The following SP8 variants were observed in gnomAD, a reference collection of about 807,000 sequenced individuals.
SP8 encodes the protein transcription factor Sp8.
SP8 carries 7 observed loss-of-function variants against 15.3 expected under a neutral mutation model. The observed-to-expected ratio is 0.46, with a 90% CI of 0.26 to 0.86. The LOEUF (loss-of-function observed/expected upper bound fraction) is 0.86. Ranked by LOEUF, SP8 falls within the 40% of genes least tolerant of loss-of-function variation. The pLI, the probability that SP8 is intolerant of heterozygous loss-of-function variation, is 0.16. For synonymous variants in SP8, 415 were observed against 356.3 expected (o/e 1.16, Z -1.86); for missense variants, 731 against 736.4 (o/e 0.99, Z 0.09).
chr7:20,785,149 G>A lies in SP8; in HGVS notation c.668C>T (p.Ala223Val). Residue 223 changes from alanine to valine, a missense_variant, in exon 2 of 2, where the codon GCC becomes GTC. Ala to Val is a moderately conservative substitution (Grantham distance 64). This residue lies in a region of SP8 where 586 missense variants were observed against 524.9 expected (regional missense o/e 1.12). Coordinates refer to ENST00000418710, the MANE Select transcript of SP8 (RefSeq NM_182700.6). This position sits in a 1 kb window ranked among gnomAD's most constrained non-coding sequence, Gnocchi z 7.2. ...CACGTCCCACCAGCTGGAGGCGCCG[G>A]CCGAGCCCACCTCGCCCGCAGCACC... ...GLGAAGEVGS[A>V]GASSWWDVGA... 6.3e-7 allele frequency: 1 copy of A among 1,592,860 alleles called. No individual in the cohort carries two copies. Among genetic ancestry groups the A allele is most frequent in the Non-Finnish European group, 8.5e-7 (1 of 1,171,924 alleles).
At position 20,785,298 on chromosome 7, in the gene SP8, G is replaced by C. The variant is rs1315681556; in HGVS notation, c.519C>G (p.Gly173=). 12 of 1,544,728 alleles carry C rather than the reference G, an allele frequency of 7.8e-6. No homozygotes were observed. The highest frequency in any genetic ancestry group is 2.0e-5 in the Admixed American group (1 of 50,812). Residue 173 remains glycine (G), a synonymous_variant, in exon 2 of 2, where the codon GGC becomes GGG. Transcript: ENST00000418710. The surrounding 1 kb of genome is among the most constrained non-coding windows in gnomAD (Gnocchi z 7.2). The part of the protein sequence containing the change: ...GGGSSAHSQD[G]SHQPVFISKV... ...TGGAGATGAACACCGGCTGGTGGGAGCCGTCCTGCGAGTGCGCGGAGGAGC... is the reference window on the plus strand; with the variant it reads ...TGGAGATGAACACCGGCTGGTGGGACCCGTCCTGCGAGTGCGCGGAGGAGC...
At position 20,785,443 on chromosome 7, in the gene SP8, G is replaced by A. The variant is rs1345974227; in HGVS notation, c.374C>T (p.Ala125Val). The stretch of plus-strand genomic sequence containing the variant: ...GGCGGCTGCGGCGGCGGCGGCGGCG[G>A]CTGCGGCGCTGCTGGAGGTGAGGGA... ...AFSLTSSSAA[A>V]AAAAAAAAAS... Residue 125 changes from alanine to valine, a missense_variant, in exon 2 of 2, where the codon GCC becomes GTC. By Grantham distance (64) the Ala-to-Val change is moderately conservative. This residue lies in a region of SP8 where 586 missense variants were observed against 524.9 expected (regional missense o/e 1.12). Transcript: ENST00000418710. This position sits in a 1 kb window ranked among gnomAD's most constrained non-coding sequence, Gnocchi z 7.2. The A allele has an allele frequency of 1.5e-6, 2 of 1,315,548 alleles. No individual in the cohort carries two copies. The highest frequency in any genetic ancestry group is 9.7e-7 in the Non-Finnish European group (1 of 1,026,250). The allele number at this position is 1,315,548 out of a possible 1,614,324, so 81.5% of individuals were successfully genotyped here.
chr7:20,784,757 TG>T lies in SP8; in HGVS notation c.1059del (p.Asn354ThrfsTer100). ...CCCAGCCGCTCTGCCTCCTGGCAGT[TG>T]GGGCAGTCGCAGGTGGCGCGGCCGG... ...RYSGRATCDCPNCQEAERLGP... is the reference protein window; with the variant it reads ...RYSGRATCDCXNCQEAERLGP... On this transcript the variant is annotated frameshift_variant, in exon 2 of 2. Transcript: ENST00000418710. LOFTEE classifies it high-confidence loss of function. 1 of 1,577,370 alleles carries T rather than the reference TG, an allele frequency of 6.3e-7. No individual in the cohort carries two copies. The highest frequency in any genetic ancestry group is 8.6e-7 in the Non-Finnish European group (1 of 1,167,990).
In SP8 at chr7:20,784,886, C is replaced by T; in HGVS notation, c.931G>A (p.Asp311Asn). ...FKPVLPGSYP[D>N]SAPSPLAGAG... ...CCGGCCAGCGGCGACGGGGCCGAGT[C>T]CGGGTAGGAGCCGGGTAGCACTGGC... Residue 311 changes from aspartate to asparagine, a missense_variant, in exon 2 of 2, where the codon GAC becomes AAC. This residue lies in a region of SP8 where 586 missense variants were observed against 524.9 expected (regional missense o/e 1.12). Transcript: ENST00000418710. The T allele has an allele frequency of 2.6e-6, 4 of 1,530,334 alleles. No individual in the cohort carries two copies. Among genetic ancestry groups the T allele is most frequent in the Non-Finnish European group, 3.5e-6 (4 of 1,144,834 alleles). The allele number at this position is 1,530,334 out of a possible 1,614,324, so 94.8% of individuals were successfully genotyped here.
chr7:20,785,459 A>T lies in SP8; in HGVS notation c.358T>A (p.Ser120Thr). ...SPGSSAFSLT[S>T]SSAAAAAAAA... ...GCGGCGGCGGCTGCGGCGCTGCTGGAGGTGAGGGAGAAGGCGCTGGAGCCA... is the reference window on the plus strand; with the variant it reads ...GCGGCGGCGGCTGCGGCGCTGCTGGTGGTGAGGGAGAAGGCGCTGGAGCCA... The change falls in exon 2 of 2, where the codon TCC (serine) becomes ACC (threonine). Residue 120 changes from serine to threonine, a missense_variant. Ser to Thr is a moderately conservative substitution (Grantham distance 58). Coordinates refer to ENST00000418710, the MANE Select transcript of SP8 (RefSeq NM_182700.6). The surrounding 1 kb of genome is among the most constrained non-coding windows in gnomAD (Gnocchi z 7.2). 8.6e-7 allele frequency: 1 copy of T among 1,162,874 alleles called. No individual in the cohort carries two copies. Among genetic ancestry groups the T allele is most frequent in the South Asian group, 1.9e-5 (1 of 51,884 alleles). 72.0% of individuals were successfully genotyped at this position (1,162,874 alleles called of 1,614,324 possible).
Position 20,784,913 on chromosome 7 carries a change from T to C in SP8, c.904A>G (p.Lys302Glu). ...PAGQHLMDGFKPVLPGSYPDS... is the reference protein window; with the variant it reads ...PAGQHLMDGFEPVLPGSYPDS... ...GGGTAGGAGCCGGGTAGCACTGGCT[T>C]GAAGCCGTCCATGAGGTGCTGCCCG... is the stretch of plus-strand genomic sequence containing the variant. The change falls in exon 2 of 2, where the codon AAG becomes GAG. Residue 302 changes from lysine to glutamate, a missense_variant. By Grantham distance (56) the Lys-to-Glu change is moderately conservative. Coordinates refer to ENST00000418710, the MANE Select transcript of SP8 (RefSeq NM_182700.6). 1 of 1,541,940 alleles carries C rather than the reference T, an allele frequency of 6.5e-7. No individual in the cohort carries two copies. Among genetic ancestry groups the C allele is most frequent in the Non-Finnish European group, 8.7e-7 (1 of 1,150,416 alleles).
Position 20,785,909 on chromosome 7 carries a change from C to T in SP8, c.22-114G>A. Reference sequence around the variant, plus strand: ...CGGTAGCCTCCAAAGCGCCCCACTGCACCCCATCTCTCGCTGCGGCGCGCC... The same window carrying T: ...CGGTAGCCTCCAAAGCGCCCCACTGTACCCCATCTCTCGCTGCGGCGCGCC... On this transcript the variant is annotated intron_variant, in intron 1 of 1. Transcript: ENST00000418710. The surrounding 1 kb of genome is among the most constrained non-coding windows in gnomAD (Gnocchi z 7.2). 2.0e-6 allele frequency: 3 copies of T among 1,464,138 alleles called. No homozygotes were observed. The South Asian group carries it at 4.2e-5, about 20-fold the overall frequency. The allele number at this position is 1,464,138 out of a possible 1,614,324, so 90.7% of individuals were successfully genotyped here.
rs1233150961 is a variant in SP8 at position 20,784,737 on chromosome 7, C to T, written c.1080G>A (p.Arg360=). 5.0e-6 allele frequency: 8 copies of T among 1,591,062 alleles called. No homozygotes were observed. In the South Asian group the frequency reaches 6.7e-5, roughly 13 times the overall value. ...GCAAGCTCGCCCCGGCAGGGCCCAG[C>T]CGCTCTGCCTCCTGGCAGTTGGGGC... ...CDCPNCQEAE[R]LGPAGASLRR... The change falls in exon 2 of 2, where the codon CGG becomes CGA. Residue 360 remains arginine, a synonymous_variant. Coordinates refer to ENST00000418710, the MANE Select transcript of SP8 (RefSeq NM_182700.6).
Position 20,786,871 on chromosome 7 carries a change from A to C in SP8, c.-73T>G. 8.1e-7 allele frequency: 1 copy of C among 1,235,832 alleles called. No homozygotes were observed. 76.6% of individuals were successfully genotyped at this position (1,235,832 alleles called of 1,614,324 possible). A position where few individuals can be genotyped will look rare whatever the true frequency, so the allele number is the denominator to read the frequency against. On this transcript the variant is annotated 5_prime_UTR_variant, in exon 1 of 2. Transcript: ENST00000418710. The surrounding 1 kb of genome is among the most constrained non-coding windows in gnomAD (Gnocchi z 4.4). ...AAATCAGAGGCAGTGTTTTTTTTAG[A>C]GGTGTGCAATACAATGATCAGTTCC... is the stretch of plus-strand genomic sequence containing the variant.
In SP8 at chr7:20,785,929, C is replaced by T. The variant is rs1783666441; in HGVS notation, c.22-134G>A. 3 of 1,462,284 alleles carry T rather than the reference C, an allele frequency of 2.1e-6. No homozygotes were observed. The highest frequency in any genetic ancestry group is 1.8e-6 in the Non-Finnish European group (2 of 1,102,034). 90.6% of individuals were successfully genotyped at this position (1,462,284 alleles called of 1,614,324 possible). On this transcript the variant is annotated intron_variant, in intron 1 of 1. Coordinates refer to ENST00000418710, the MANE Select transcript of SP8 (RefSeq NM_182700.6). This position sits in a 1 kb window ranked among gnomAD's most constrained non-coding sequence, Gnocchi z 7.2. ...CACTGCACCCCATCTCTCGCTGCGG[C>T]GCGCCGCCACCAACTCACCTGGCAC...
At position 20,784,825 on chromosome 7, in the gene SP8, G is replaced by T; in HGVS notation, c.992C>A (p.Ala331Glu). Residue 331 changes from alanine (A) to glutamate (E), a missense_variant, in exon 2 of 2, where the codon GCG becomes GAG. By Grantham distance (107) the Ala-to-Glu change is moderately radical. Around this residue, in one of 3 missense-constraint regions of SP8, gnomAD observed 586 missense variants for 524.9 expected, o/e 1.12. Transcript: ENST00000418710. ...GGSMLSAGPS[A>E]PLGGSPRSSA... Reference sequence around the variant, plus strand: ...GGAGCGCGGGGAGCCCCCCAGCGGCGCCGAAGGCCCAGCGCTCAACATGGA... The same window carrying T: ...GGAGCGCGGGGAGCCCCCCAGCGGCTCCGAAGGCCCAGCGCTCAACATGGA... 8 of 1,525,108 alleles carry T rather than the reference G, an allele frequency of 5.2e-6. No homozygotes were observed. The highest frequency in any genetic ancestry group is 7.0e-6 in the Non-Finnish European group (8 of 1,142,942). 94.5% of individuals were successfully genotyped at this position (1,525,108 alleles called of 1,614,324 possible).
Position 20,785,333 on chromosome 7 carries a change from C to T in SP8, c.484G>A (p.Gly162Ser), listed in dbSNP as rs1562606793. 2.9e-6 allele frequency: 4 copies of T among 1,376,402 alleles called. No homozygotes were observed. Among genetic ancestry groups the T allele is most frequent in the South Asian group, 1.3e-5 (1 of 74,434 alleles). The allele number at this position is 1,376,402 out of a possible 1,614,324, so 85.3% of individuals were successfully genotyped here. A position where few individuals can be genotyped will look rare whatever the true frequency, so the allele number is the denominator to read the frequency against. Residue 162 changes from glycine (G) to serine (S), a missense_variant, in exon 2 of 2, where the codon GGC becomes AGC. Physicochemically the swap from Gly to Ser is moderately conservative, Grantham distance 56 (BLOSUM62 0). This residue lies in a region of SP8 where 586 missense variants were observed against 524.9 expected (regional missense o/e 1.12). Transcript: ENST00000418710. The surrounding 1 kb of genome is among the most constrained non-coding windows in gnomAD (Gnocchi z 7.2). The stretch of plus-strand genomic sequence containing the variant: ...GAGTGCGCGGAGGAGCCGCCGCCGC[C>T]GCCCCCGCCGCCGCCGCCGCTGCCC... ...SGGSGGGGGGGGGGSSAHSQD... is the reference protein window; with the variant it reads ...SGGSGGGGGGSGGGSSAHSQD...
rs1318851090 is a variant in SP8, at chr7:20,786,546, C to T, written c.21+232G>A. Among the ~76,000 whole-genome samples the T allele has an allele frequency of 2.6e-5, 4 of 151,850 alleles. No individual in the cohort carries two copies. In the East Asian group the frequency reaches 7.7e-4, roughly 29 times the overall value. Reference sequence around the variant, plus strand: ...GGGCAGGGAGCAGCGAGGCGCTGCGCGGTGGCTTGTCTAAATGCCCTTCGA... The same window carrying T: ...GGGCAGGGAGCAGCGAGGCGCTGCGTGGTGGCTTGTCTAAATGCCCTTCGA... On this transcript the variant is annotated intron_variant, in intron 1 of 1. Transcript: ENST00000418710. The surrounding 1 kb of genome is among the most constrained non-coding windows in gnomAD (Gnocchi z 4.4).
In SP8 at chr7:20,785,621, C is replaced by A. The variant is rs779953529; in HGVS notation, c.196G>T (p.Gly66Cys). 7 of 1,612,812 alleles carry A rather than the reference C, an allele frequency of 4.3e-6. No individual in the cohort carries two copies. The highest frequency in any genetic ancestry group is 5.9e-6 in the Non-Finnish European group (7 of 1,179,560). Residue 66 changes from glycine to cysteine, a missense_variant, in exon 2 of 2, where the codon GGT becomes TGT. By Grantham distance (159) the Gly-to-Cys change is radical. This residue lies in a region of SP8 where 586 missense variants were observed against 524.9 expected (regional missense o/e 1.12). Coordinates refer to ENST00000418710, the MANE Select transcript of SP8 (RefSeq NM_182700.6). The surrounding 1 kb of genome is among the most constrained non-coding windows in gnomAD (Gnocchi z 7.2). ...ACGCCGAAGCTTGAGAGACTGGAAC[C>A]CACTACGTTGCAGCTGGCGGAAGAA... is the stretch of plus-strand genomic sequence containing the variant. Reference protein sequence around the residue: ...SSSSASCNVVGSSLSSFGVSG... With the variant: ...SSSSASCNVVCSSLSSFGVSG...
rs1783614845 is a variant in SP8, at chr7:20,784,935, C to G, written c.882G>C (p.Gly294=). Residue 294 remains glycine, a synonymous_variant, in exon 2 of 2, where the codon GGG becomes GGC. Transcript: ENST00000418710. ...GASSHLLSPA[G]QHLMDGFKPV... ...GCTTGAAGCCGTCCATGAGGTGCTG[C>G]CCGGCGGGGCTGAGCAGGTGCGAGG... 6.4e-7 allele frequency: 1 copy of G among 1,551,484 alleles called. No individual in the cohort carries two copies. Among genetic ancestry groups the G allele is most frequent in the South Asian group, 1.2e-5 (1 of 84,892 alleles).
chr7:20,784,592 G>C lies in SP8; in HGVS notation c.1225C>G (p.Leu409Val), dbSNP rs752368105. ...CGCGTGAAGCGCTTGCCGCAGAAAAGCCAGTTGCACACGAAGGGCCGCTCG... is the reference window on the plus strand; with the variant it reads ...CGCGTGAAGCGCTTGCCGCAGAAAACCCAGTTGCACACGAAGGGCCGCTCG... ...TGERPFVCNW[L>V]FCGKRFTRSD... Residue 409 changes from leucine (L) to valine (V), a missense_variant, in exon 2 of 2, where the codon CTT becomes GTT. By Grantham distance (32) the Leu-to-Val change is conservative (BLOSUM62 1). Around this residue, in one of 3 missense-constraint regions of SP8, gnomAD observed 31 missense variants for 99.6 expected, o/e 0.31. Coordinates refer to ENST00000418710, the MANE Select transcript of SP8 (RefSeq NM_182700.6). 3.1e-5 allele frequency: 50 copies of C among 1,607,826 alleles called. No individual in the cohort carries two copies. The highest frequency in any genetic ancestry group is 3.8e-5 in the Non-Finnish European group (45 of 1,178,284).
Position 20,786,775 on chromosome 7 carries a change from C to T in SP8, c.21+3G>A, listed in dbSNP as rs1267965054. The stretch of plus-strand genomic sequence containing the variant: ...ACCAGCAAGAGAAAATCCTGAGACT[C>T]ACCCCTAGAAGTGAAGTTGCCATCA... On this transcript the variant is annotated splice_donor_region_variant and intron_variant, in intron 1 of 1. Transcript: ENST00000418710. This position sits in a 1 kb window ranked among gnomAD's most constrained non-coding sequence, Gnocchi z 4.4. The T allele has an allele frequency of 1.9e-6, 3 of 1,613,564 alleles. No individual in the cohort carries two copies. In the African/African-American group the frequency reaches 4.0e-5, roughly 22 times the overall value.
In SP8 at chr7:20,785,164, C is replaced by G. The variant is rs145737768; in HGVS notation, c.653G>C (p.Gly218Ala). 6.3e-7 allele frequency: 1 copy of G among 1,596,532 alleles called. No homozygotes were observed. The highest frequency in any genetic ancestry group is 8.5e-7 in the Non-Finnish European group (1 of 1,173,274). ...GGAGGCGCCGGCCGAGCCCACCTCG[C>G]CCGCAGCACCCAGGCCCGGGTGCGA... is the stretch of plus-strand genomic sequence containing the variant. ...KPSHPGLGAA[G>A]EVGSAGASSW... The change falls in exon 2 of 2, where the codon GGC becomes GCC. Residue 218 changes from glycine to alanine, a missense_variant. Physicochemically the swap from Gly to Ala is moderately conservative, Grantham distance 60 (BLOSUM62 0). Transcript: ENST00000418710. The surrounding 1 kb of genome is among the most constrained non-coding windows in gnomAD (Gnocchi z 7.2).
In SP8 at chr7:20,785,075, G is replaced by T; in HGVS notation, c.742C>A (p.Pro248Thr). ...VQNPNSAAAL[P>T]GSLHPAAGGL... ...CCGGCGGCAGGGTGCAGCGAGCCGGGCAGCGCAGCCGCGCTGTTCGGGTTC... is the reference window on the plus strand; with the variant it reads ...CCGGCGGCAGGGTGCAGCGAGCCGGTCAGCGCAGCCGCGCTGTTCGGGTTC... Residue 248 changes from proline to threonine, a missense_variant, in exon 2 of 2, where the codon CCC (proline) becomes ACC (threonine). By Grantham distance (38) the Pro-to-Thr change is conservative (BLOSUM62 -1). Transcript: ENST00000418710. This position sits in a 1 kb window ranked among gnomAD's most constrained non-coding sequence, Gnocchi z 7.2. The T allele has an allele frequency of 1.3e-6, 2 of 1,581,660 alleles. No homozygotes were observed. Among genetic ancestry groups the T allele is most frequent in the South Asian group, 2.2e-5 (2 of 88,948 alleles).
Sources: gnomAD v4.1 joint callset for allele counts (sites outside exome capture counted in the v4.1 genomes callset) on GRCh38, gnomAD v4.1.1 for gene constraint, gnomAD v4.1.1 regional missense constraint, Gnocchi (gnomAD v3.1) non-coding constraint, MANE v1.5 for transcripts, NCBI Gene and HGNC (gene_info 2026-07-23, HGNC 2026-07-21) for gene names.